The following NT5DC3 variants were observed in gnomAD, a reference collection of about 807,000 sequenced individuals.
NT5DC3 encodes 5'-nucleotidase domain containing 3, also known as 5'-nucleotidase domain-containing protein 3.
Under a neutral mutation model 67.8 loss-of-function variants are expected in NT5DC3, and 42 were observed. The observed-to-expected ratio is 0.62, with a 90% CI of 0.48 to 0.80. NT5DC3 has a LOEUF of 0.80. Ranked by LOEUF, NT5DC3 falls within the 30% of genes least tolerant of loss-of-function variation. The pLI is 0.00. For missense variants in NT5DC3, 570 were observed against 696.4 expected, an observed-to-expected ratio of 0.82 and a Z score of 2.04; for synonymous variants, 237 against 255.6, an observed-to-expected ratio of 0.93 and a Z score of 0.69.
Position 103,780,373 on chromosome 12 carries a change from C to T in NT5DC3, c.1330-9G>A, listed in dbSNP as rs1183101642. 3 of 1,613,098 alleles carry T rather than the reference C, an allele frequency of 1.9e-6. No individual in the cohort carries two copies. Among genetic ancestry groups the T allele is most frequent in the Non-Finnish European group, 2.5e-6 (3 of 1,179,180 alleles). The stretch of plus-strand genomic sequence containing the variant: ...TCAGCATCTCTGTGAACCTGTAGGA[C>T]ACAAGTCAATTATTACAACTGTTTT... On this transcript the variant is annotated splice_polypyrimidine_tract_variant and intron_variant, in intron 12 of 13. Transcript: ENST00000392876.
chr12:103,836,141 T>C (rs1056210268), intron 1 of NT5DC3, among the ~76,000 whole-genome samples: 6 of 152,064 alleles, frequency 3.9e-5, no homozygotes, highest in Non-Finnish European at 7.4e-5. Flanking sequence ...CAAGATGAGA[T>C]CTGGGTGGGG....
At chr12:103,833,298 T>A (rs538610435) in intron 1 of NT5DC3, among the ~76,000 whole-genome samples, 5 of 152,350 alleles carry the variant, frequency 3.3e-5, no homozygotes, top group Admixed American at 2.6e-4. Flanking sequence ...ATGTATTTTC[T>A]ACATCTCTTT....
downstream of NT5DC3, among the ~76,000 whole-genome samples, chr12:103,767,435 G>C (rs940145591): frequency 3.3e-5 from 5 of 152,122 alleles, no homozygotes; most frequent in Non-Finnish European, 7.4e-5. Context: ...AATGGGTATG[G>C]GGTTTCTTTT....
intron 6 of NT5DC3, 151 bp from the exon 7 acceptor site, chr12:103,794,148 C>CTTTTTTTTTTTTTTTTT (rs766607290): frequency 4.3e-6 from 2 of 462,632 alleles, no homozygotes; most frequent in Non-Finnish European, 7.5e-6. Flanking sequence ...CCATTTTCTT[C>CTTTTTTTTTTTTTTTTT]TTCTTTTTTT....
At chr12:103,753,549 T>C in the NT5DC3 span, among the ~76,000 whole-genome samples, 1 of 152,218 alleles carries the variant, frequency 6.6e-6, no homozygotes, top group Non-Finnish European at 1.5e-5. Flanking sequence ...GGGTACTTCG[T>C]GGATATTATT....
chr12:103,798,708 C>A, intron 4 of NT5DC3, 31 bp from the exon 5 acceptor site: 2 of 1,473,906 alleles, frequency 1.4e-6, no homozygotes, highest in Non-Finnish European at 1.9e-6. Flanking sequence ...AGTTAAAGAG[C>A]TCAACTAGAG....
chr12:103,830,427 T>A (rs376209997), intron 1 of NT5DC3, among the ~76,000 whole-genome samples: 2 of 152,228 alleles, frequency 1.3e-5, no homozygotes, highest in East Asian at 3.8e-4. Flanking sequence ...TTCATTTGTT[T>A]TGGAAAACTC....
At chr12:103,770,804 A>T (rs1394652721), downstream of NT5DC3, 1 of 152,220 alleles carries the variant, frequency 6.6e-6, no homozygotes, top group Admixed American at 6.5e-5. Context: ...CTGTGTTGAA[A>T]TCTTTACCCC....
intron 6 of NT5DC3, among the ~76,000 whole-genome samples, chr12:103,794,828 G>A (rs1449896102): frequency 6.6e-6 from 1 of 152,236 alleles, no homozygotes; most frequent in Non-Finnish European, 1.5e-5. Context: ...GTGGTCCAGG[G>A]AGAGGAAGAG....
At chr12:103,827,352 T>C (rs17034657) in intron 1 of NT5DC3, among the ~76,000 whole-genome samples, 30,533 of 152,144 alleles carry the variant, frequency 0.2, 3,480 homozygotes, top group African/African-American at 0.31. Flanking sequence ...ACTATCAACA[T>C]AAGGGCAGAA....
At chr12:103,752,658 A>G in the NT5DC3 span, among the ~76,000 whole-genome samples, 1 of 152,342 alleles carries the variant, frequency 6.6e-6, no homozygotes, top group African/African-American at 2.4e-5. Flanking sequence ...TGTTTTTTAT[A>G]GCTGTAAAGG....
At chr12:103,753,397 G>A in the NT5DC3 span, 2 of 1,613,166 alleles carry the variant, frequency 1.2e-6, no homozygotes, top group Non-Finnish European at 1.7e-6. Flanking sequence ...GAGTCTGCAG[G>A]GGCGGAAGTG....
Position 103,836,042 on chromosome 12 carries a change from GA to G in NT5DC3, c.208+4906del, listed in dbSNP as rs1888131953. Among the ~76,000 whole-genome samples, 5 of 152,242 alleles carry G rather than the reference GA, an allele frequency of 3.3e-5. No homozygotes were observed. The South Asian group carries it at 1.0e-3, about 32-fold the overall frequency. On this transcript the variant is annotated intron_variant, in intron 1 of 13. Transcript: ENST00000392876. ...TCGTGAGACTTATTCACTATCACGA[GA>G]ATAGCATGGGAAAGACCAGCCCCCA...
intron 1 of NT5DC3, among the ~76,000 whole-genome samples, chr12:103,839,872 A>C (rs1457359463): frequency 1.4e-5 from 2 of 147,842 alleles, no homozygotes; most frequent in African/African-American, 5.3e-5. Flanking sequence ...ACTTCTGGCC[A>C]AAAAAAATGG....
chr12:103,801,311 C>T (rs189145211), intron 4 of NT5DC3, among the ~76,000 whole-genome samples: 1 of 151,368 alleles, frequency 6.6e-6, no homozygotes, highest in Non-Finnish European at 1.5e-5. Context: ...TTTCTGCATG[C>T]CCAGGATCTT....
rs140542126 is a variant in NT5DC3, at chr12:103,803,351, G to A, written c.524+2971C>T. The stretch of plus-strand genomic sequence containing the variant: ...GGAGGTAAACTGAGCCATTTCAAAA[G>A]CCTTAAAATGAATGAACAACATTCA... On this transcript the variant is annotated intron_variant, in intron 4 of 13. Coordinates refer to ENST00000392876, the MANE Select transcript of NT5DC3 (RefSeq NM_001031701.3). Among the ~76,000 whole-genome samples the A allele has an allele frequency of 6.7e-4, 102 of 152,224 alleles. 1 individual carries two copies. In the South Asian group the frequency reaches 0.018, roughly 27 times the overall value.
chr12:103,798,759 T>C, intron 4 of NT5DC3, 82 bp from the exon 5 acceptor site: 1 of 1,011,428 alleles, frequency 9.9e-7, no homozygotes, highest in Non-Finnish European at 1.5e-6. Flanking sequence ...GCTGGGATTT[T>C]TCAATTGAGG....
intron 12 of NT5DC3, among the ~76,000 whole-genome samples, chr12:103,780,848 T>G (rs976134761): frequency 3.9e-5 from 6 of 152,218 alleles, no homozygotes; most frequent in Admixed American, 2.0e-4. Context: ...ACCCACCAAT[T>G]GCAAGCATGT....
intron 1 of NT5DC3, among the ~76,000 whole-genome samples, chr12:103,827,585 A>G (rs1045183300): frequency 1.3e-5 from 2 of 152,218 alleles, no homozygotes; most frequent in African/African-American, 4.8e-5. Flanking sequence ...CTACATACAA[A>G]TTAAAATTAT....
Sources: allele counts gnomAD v4.1 joint callset (sites outside exome capture counted in the v4.1 genomes callset), GRCh38; gene constraint gnomAD v4.1.1; transcripts MANE v1.5; gene names NCBI Gene and HGNC (gene_info 2026-07-23, HGNC 2026-07-21).